The following STXBP5 variants were observed in gnomAD, a reference collection of about 807,000 sequenced individuals.
STXBP5 encodes the protein syntaxin-binding protein 5.
STXBP5 carries 50 observed loss-of-function variants against 152.4 expected under a neutral mutation model. That is an observed-to-expected ratio of 0.33 (90% CI 0.26 to 0.42). STXBP5 has a LOEUF of 0.42. Among genes scored for constraint, STXBP5 ranks in the 10% least tolerant of loss-of-function variants. The probability of loss-of-function intolerance (pLI) is 1.00; values close to 1 mark genes in which losing one functional copy is unlikely to be tolerated. For missense variants in STXBP5, 1,167 were observed against 1,388.6 expected (o/e 0.84, Z 2.54); for synonymous variants, 492 against 494.7 (o/e 0.99, Z 0.07).
At chr6:147,211,386 A>T (rs981184392) in intron 2 of STXBP5, among the ~76,000 whole-genome samples, 27 of 151,980 alleles carry the variant, frequency 1.8e-4, no homozygotes, top group Non-Finnish European at 3.8e-4. Context: ...ATAATAATGT[A>T]TGTGAAAGTT....
intron 4 of STXBP5, among the ~76,000 whole-genome samples, chr6:147,245,752 A>G (rs116398752): frequency 6.3e-4 from 96 of 152,322 alleles, no homozygotes; most frequent in African/African-American, 2.2e-3. Flanking sequence ...AGTTGAAGAT[A>G]CACAGACACA....
chr6:147,246,785 G>T (rs903092748), intron 4 of STXBP5, among the ~76,000 whole-genome samples: 2 of 152,020 alleles, frequency 1.3e-5, no homozygotes. Context: ...AATATCAAGG[G>T]AGAATTCATG....
chr6:147,305,015 C>T (rs1274813686), intron 9 of STXBP5, among the ~76,000 whole-genome samples: 1 of 152,076 alleles, frequency 6.6e-6, no homozygotes, highest in Non-Finnish European at 1.5e-5. Flanking sequence ...ACATTCCCCC[C>T]ACAAACCCAG....
chr6:147,218,716 A>G (rs77566506), intron 2 of STXBP5, among the ~76,000 whole-genome samples: 2,644 of 152,274 alleles, frequency 0.017, 59 homozygotes, highest in African/African-American at 0.06. Flanking sequence ...CCTGGGCTGC[A>G]GTGATCTCAC....
At chr6:147,346,392 G>T (rs1784331221) in intron 21 of STXBP5, among the ~76,000 whole-genome samples, 1 of 152,118 alleles carries the variant, frequency 6.6e-6, no homozygotes, top group Non-Finnish European at 1.5e-5. Flanking sequence ...TGCCATCAAG[G>T]AGGTTGGCTA....
At chr6:147,362,026 C>T (rs1250275353) in intron 23 of STXBP5, among the ~76,000 whole-genome samples, 1 of 152,062 alleles carries the variant, frequency 6.6e-6, no homozygotes, top group African/African-American at 2.4e-5. Flanking sequence ...GATGCCCAGT[C>T]AAATTTTAAT....
At chr6:147,342,995 A>G (rs1054991754) in intron 21 of STXBP5, among the ~76,000 whole-genome samples, 1 of 152,138 alleles carries the variant, frequency 6.6e-6, no homozygotes, top group African/African-American at 2.4e-5. Flanking sequence ...GGAAGGAATG[A>G]TTACCAAATT....
At chr6:147,235,371 A>G (rs768039133) in intron 3 of STXBP5, 40 bp downstream of exon 3, 7 of 1,513,124 alleles carry the variant, frequency 4.6e-6, no homozygotes, top group Non-Finnish European at 5.5e-6. Context: ...TATATCCAAA[A>G]TAGGGCCACT....
Position 147,384,787 on chromosome 6 carries a change from A to G in STXBP5, c.*32A>G, listed in dbSNP as rs369952989. 18 of 1,598,440 alleles carry G rather than the reference A, an allele frequency of 1.1e-5. No individual in the cohort carries two copies. In the African/African-American group the frequency reaches 2.2e-4, roughly 19 times the overall value. ...GAATCCAATAAGTCCAACTTCAGCC[A>G]GAAGGAAAAAAGTTTTCCATTTTTA... On this transcript the variant is annotated 3_prime_UTR_variant, in exon 28 of 28. Transcript: ENST00000321680.
intron 4 of STXBP5, among the ~76,000 whole-genome samples, chr6:147,245,599 GT>G (rs1276073506): frequency 6.6e-6 from 1 of 152,118 alleles, no homozygotes; most frequent in African/African-American, 2.4e-5. Flanking sequence ...AGATTGAATT[GT>G]TTTCCCAGAA....
At chr6:147,280,137 G>T (rs1395531743) in intron 8 of STXBP5, among the ~76,000 whole-genome samples, 2 of 151,752 alleles carry the variant, frequency 1.3e-5, no homozygotes, top group African/African-American at 4.8e-5. Context: ...GTTTTATGTG[G>T]ATTAGATTTG....
At chr6:147,230,758 A>T (rs957592957) in intron 2 of STXBP5, among the ~76,000 whole-genome samples, 2 of 151,780 alleles carry the variant, frequency 1.3e-5, no homozygotes, top group African/African-American at 4.8e-5. Context: ...CTTGGTTCAA[A>T]TCTCAGCTTC....
chr6:147,371,929 T>C (rs190535576), intron 25 of STXBP5, among the ~76,000 whole-genome samples: 10 of 152,266 alleles, frequency 6.6e-5, no homozygotes, highest in African/African-American at 1.9e-4. Context: ...TTAATACATA[T>C]AGTTTAAATT....
intron 4 of STXBP5, among the ~76,000 whole-genome samples, chr6:147,252,047 G>A (rs372655463): frequency 5.3e-5 from 8 of 152,104 alleles, no homozygotes; most frequent in African/African-American, 1.9e-4. Context: ...AACAAAAAGG[G>A]CATCCACACA....
intron 18 of STXBP5, among the ~76,000 whole-genome samples, chr6:147,330,369 G>T (rs972214577): frequency 6.6e-6 from 1 of 152,018 alleles, no homozygotes; most frequent in South Asian, 2.1e-4. Flanking sequence ...AAGAAGAATC[G>T]TTTTTTCTCT....
intron 4 of STXBP5, among the ~76,000 whole-genome samples, chr6:147,240,516 CTTTTAT>C (rs1778490166): frequency 6.6e-6 from 1 of 151,778 alleles, no homozygotes; most frequent in African/African-American, 2.4e-5. Context: ...GTACTTGATT[CTTTTAT>C]TTTAATTTCT....
intron 2 of STXBP5, among the ~76,000 whole-genome samples, chr6:147,225,659 A>G (rs952738477): frequency 2.0e-5 from 3 of 152,210 alleles, no homozygotes; most frequent in African/African-American, 7.2e-5. Flanking sequence ...TTCATAATAC[A>G]CAGTGGTAGT....
chr6:147,320,975 A>G (rs995320059), intron 16 of STXBP5, among the ~76,000 whole-genome samples: 1 of 152,170 alleles, frequency 6.6e-6, no homozygotes, highest in South Asian at 2.1e-4. Context: ...CTCTAGTATT[A>G]CCTTACTAAA....
intron 7 of STXBP5, among the ~76,000 whole-genome samples, chr6:147,276,701 T>C (rs908081746): frequency 6.6e-6 from 1 of 152,160 alleles, no homozygotes; most frequent in Non-Finnish European, 1.5e-5. Flanking sequence ...GGATTGCTTA[T>C]TTTAAAATTG....
Sources: gnomAD v4.1 joint callset for allele counts (sites outside exome capture counted in the v4.1 genomes callset) on GRCh38, gnomAD v4.1.1 for gene constraint, MANE v1.5 for transcripts, NCBI Gene and HGNC (gene_info 2026-07-23, HGNC 2026-07-21) for gene names.